Variants in SLCO3A1 observed in about 807,000 individuals in gnomAD.
The protein encoded by SLCO3A1 is PGE1 transporter.
In SLCO3A1, 27 loss-of-function variants were observed where a neutral mutation model predicts 63.1. The observed-to-expected ratio is 0.43, with a 90% CI of 0.32 to 0.59. The LOEUF is 0.59. SLCO3A1 is among the 20% of genes least tolerant of loss of function. The pLI, the probability that SLCO3A1 is intolerant of heterozygous loss-of-function variation, is 0.09. For missense variants in SLCO3A1, 773 were observed against 945.8 expected (o/e 0.82, Z 2.40); for synonymous variants, 473 against 409.9 (o/e 1.15, Z -1.86).
At chr15:91,981,839 G>A (rs1009586902) in intron 2 of SLCO3A1, among the ~76,000 whole-genome samples, 2 of 152,236 alleles carry the variant, frequency 1.3e-5, no homozygotes, top group African/African-American at 4.8e-5. Context: ...AACAGACACA[G>A]TGCCCAGTGA....
chr15:91,916,264 C>T lies in SLCO3A1; in HGVS notation c.452C>T (p.Ala151Val), dbSNP rs1898654168. The T allele has an allele frequency of 1.3e-6, 2 of 1,567,650 alleles. No individual in the cohort carries two copies. The highest frequency in any genetic ancestry group is 2.3e-5 in the South Asian group (2 of 87,226). Residue 151 changes from alanine (A) to valine (V), a missense_variant, in exon 2 of 10, where the codon GCA (alanine) becomes GTA (valine). By Grantham distance (64) the Ala-to-Val change is moderately conservative. Around this residue, in one of 3 missense-constraint regions of SLCO3A1, gnomAD observed 565 missense variants for 749.8 expected, o/e 0.75. Transcript: ENST00000318445. This position sits in a 1 kb window ranked among gnomAD's most constrained non-coding sequence, Gnocchi z 6.2. ...GGCGCCGAGGGCCGCGACGTCTGCGCAGCCAACGGCTCGGGCGGCGACGAG... is the reference window on the plus strand; with the variant it reads ...GGCGCCGAGGGCCGCGACGTCTGCGTAGCCAACGGCTCGGGCGGCGACGAG... Reference protein sequence around the residue: ...RWGAEGRDVCAANGSGGDEGP... With the variant: ...RWGAEGRDVCVANGSGGDEGP...
intron 2 of SLCO3A1, among the ~76,000 whole-genome samples, chr15:91,988,173 C>A (rs935664797): frequency 6.6e-6 from 1 of 152,014 alleles, no homozygotes; most frequent in South Asian, 2.1e-4. Flanking sequence ...CAGGCCAAGG[C>A]GGCTGGATCG....
intron 1 of SLCO3A1, among the ~76,000 whole-genome samples, chr15:91,890,559 G>A (rs959413262): frequency 5.9e-5 from 9 of 152,148 alleles, no homozygotes; most frequent in Admixed American, 6.5e-5. Flanking sequence ...AAGGATGTTC[G>A]AGATGTTGTA....
At chr15:91,986,806 A>T (rs1019448425) in intron 2 of SLCO3A1, among the ~76,000 whole-genome samples, 1 of 152,208 alleles carries the variant, frequency 6.6e-6, no homozygotes, top group African/African-American at 2.4e-5. Context: ...TGTTATGAAG[A>T]TATATTTGTA....
rs550600956 is a variant in SLCO3A1, at chr15:91,897,713, T to C, written c.181-18280T>C. Among the ~76,000 whole-genome samples the C allele has an allele frequency of 4.6e-5, 7 of 152,232 alleles. No individual in the cohort carries two copies. In the East Asian group the frequency reaches 7.7e-4, roughly 17 times the overall value. On this transcript the variant is annotated intron_variant, in intron 1 of 9. Coordinates refer to ENST00000318445, the MANE Select transcript of SLCO3A1 (RefSeq NM_013272.4). This position sits in a 1 kb window ranked among gnomAD's most constrained non-coding sequence, Gnocchi z 4.7. Reference sequence around the variant, plus strand: ...GTGGCGGCAGAGTGGATTGGTGTGCTCCCATGTGCTAGGCTGAGTCTACCC... The same window carrying C: ...GTGGCGGCAGAGTGGATTGGTGTGCCCCCATGTGCTAGGCTGAGTCTACCC...
rs1897144315 is a variant in SLCO3A1, at chr15:91,865,555, C to T, written c.180+11467C>T. ...GGGCATCAGCAGGGCCGTGCTCCCT[C>T]CTAGACCCTGCGTAGAACCCTTCCT... On this transcript the variant is annotated intron_variant, in intron 1 of 9. Coordinates refer to ENST00000318445, the MANE Select transcript of SLCO3A1 (RefSeq NM_013272.4). The surrounding 1 kb of genome is among the most constrained non-coding windows in gnomAD (Gnocchi z 4.6). Among the ~76,000 whole-genome samples, 1 of 152,242 alleles carries T rather than the reference C, an allele frequency of 6.6e-6. No homozygotes were observed. Among genetic ancestry groups the T allele is most frequent in the African/African-American group, 2.4e-5 (1 of 41,464 alleles).
rs1567142586 is a variant in SLCO3A1 at position 92,143,367 on chromosome 15, A to ATATAATTATATT, written c.1513-3616_1513-3615insATAATTATATTT. ...TCACTCAGTCAACATACATATATAT[A>ATATAATTATATT]TTATATAATATATATAATATATATA... On this transcript the variant is annotated intron_variant, in intron 7 of 9. Coordinates refer to ENST00000318445, the MANE Select transcript of SLCO3A1 (RefSeq NM_013272.4). Among the ~76,000 whole-genome samples the ATATAATTATATT allele has an allele frequency of 2.6e-3, 13 of 5,010 alleles. 1 individual carries two copies. Among genetic ancestry groups the ATATAATTATATT allele is most frequent in the African/African-American group, 6.2e-3 (12 of 1,930 alleles). 3.3% of individuals were successfully genotyped at this position (5,010 alleles called of 152,430 possible).
chr15:92,080,272 C>G (rs1347447158), intron 2 of SLCO3A1, among the ~76,000 whole-genome samples: 4 of 152,172 alleles, frequency 2.6e-5, no homozygotes, highest in Non-Finnish European at 1.5e-5. Flanking sequence ...TCAACACACA[C>G]GGAGTCCCTC....
chr15:92,039,979 C>G (rs1443095361), intron 2 of SLCO3A1, among the ~76,000 whole-genome samples: 1 of 152,172 alleles, frequency 6.6e-6, no homozygotes, highest in Non-Finnish European at 1.5e-5. Flanking sequence ...AAACTAAACA[C>G]CGCATGATCT....
intron 1 of SLCO3A1, among the ~76,000 whole-genome samples, chr15:91,896,433 G>T (rs900818761): frequency 4.6e-5 from 7 of 152,208 alleles, no homozygotes; most frequent in Non-Finnish European, 1.0e-4. Context: ...GTTTGGTTGT[G>T]TCCCCATCCA....
intron 2 of SLCO3A1, among the ~76,000 whole-genome samples, chr15:91,986,329 A>C (rs2046052592): frequency 6.6e-6 from 1 of 152,092 alleles, no homozygotes; most frequent in Non-Finnish European, 1.5e-5. Flanking sequence ...CGGGGAGATA[A>C]GATTAGGGAG....
intron 2 of SLCO3A1, among the ~76,000 whole-genome samples, chr15:91,991,523 C>T (rs142242972): frequency 1.9e-3 from 294 of 152,320 alleles, no homozygotes; most frequent in African/African-American, 6.5e-3. Flanking sequence ...GGCTCAGTGC[C>T]ATCCAGTAGA....
intron 8 of SLCO3A1, 146 bp from the exon 9 acceptor site, chr15:92,150,804 A>G: frequency 3.9e-6 from 2 of 511,548 alleles, no homozygotes; most frequent in East Asian, 6.3e-5. Context: ...AAAAAAAGAC[A>G]CTATTAGTAA....
In SLCO3A1 at chr15:91,912,265, C is replaced by CAGACT. The variant is rs1490969866; in HGVS notation, c.181-3727_181-3726insGACTA. 3.9e-5 allele frequency among the ~76,000 whole-genome samples: 6 copies of CAGACT among 152,272 alleles called. No individual in the cohort carries two copies. The stretch of plus-strand genomic sequence containing the variant: ...CTCATGCATACTTAGTCTGTCTTCT[C>CAGACT]AAAATTGTGTTTTAAATGAGTGAAA... On this transcript the variant is annotated intron_variant, in intron 1 of 9. Transcript: ENST00000318445. The surrounding 1 kb of genome is among the most constrained non-coding windows in gnomAD (Gnocchi z 5.0).
intron 2 of SLCO3A1, among the ~76,000 whole-genome samples, chr15:91,931,815 ACACACACT>A (rs1460355006): frequency 4.9e-4 from 75 of 152,034 alleles, no homozygotes; most frequent in African/African-American, 1.8e-3. Flanking sequence ...ACACACACAC[ACACACACT>A]CACACAGGAG....
At chr15:91,960,635 A>T (rs893807173) in intron 2 of SLCO3A1, among the ~76,000 whole-genome samples, 2 of 152,084 alleles carry the variant, frequency 1.3e-5, no homozygotes, top group Non-Finnish European at 2.9e-5. Context: ...TACAGGAGTA[A>T]TTTATTCTTT....
chr15:91,975,260 T>A (rs1901055589), intron 2 of SLCO3A1, among the ~76,000 whole-genome samples: 1 of 135,260 alleles, frequency 7.4e-6, no homozygotes, highest in South Asian at 2.3e-4. Flanking sequence ...GTGCGCATTT[T>A]AAAAAATTGA....
chr15:91,937,224 G>A lies in SLCO3A1; in HGVS notation c.646+20766G>A, dbSNP rs1455647191. On this transcript the variant is annotated intron_variant, in intron 2 of 9. Transcript: ENST00000318445. ...GAGCTCTGAGGGTTCATTAGAGATG[G>A]CGTTAATAAGGACTCCTGTGCTCAG... Among the ~76,000 whole-genome samples, 5 of 152,196 alleles carry A rather than the reference G, an allele frequency of 3.3e-5. 1 individual carries two copies. The highest frequency in any genetic ancestry group is 4.1e-4 in the South Asian group (2 of 4,830).
At position 92,104,454 on chromosome 15, in the gene SLCO3A1, A is replaced by C. The variant is rs72655652; in HGVS notation, c.921A>C (p.Arg307Ser). 22,081 of 1,614,114 alleles carry C rather than the reference A, an allele frequency of 0.014. 225 individuals are homozygous for C. The highest frequency in any genetic ancestry group is 0.018 in the South Asian group (1,606 of 91,088). Reference sequence around the variant, plus strand: ...GCGAGCAGGCCATGCTCTCCGAAAGAGAATACGAGAGACCCAAGCCCAGCA... The same window carrying C: ...GCGAGCAGGCCATGCTCTCCGAAAGCGAATACGAGAGACCCAAGCCCAGCA... ...MESEQAMLSEREYERPKPSNG... is the reference protein window; with the variant it reads ...MESEQAMLSESEYERPKPSNG... The change falls in exon 4 of 10, where the codon AGA becomes AGC. Residue 307 changes from arginine (R) to serine (S), a missense_variant. Arg to Ser is a moderately radical substitution (Grantham distance 110). Around this residue, in one of 3 missense-constraint regions of SLCO3A1, gnomAD observed 565 missense variants for 749.8 expected, o/e 0.75. Transcript: ENST00000318445.
Sources: allele counts gnomAD v4.1 joint callset (sites outside exome capture counted in the v4.1 genomes callset), GRCh38; gene constraint gnomAD v4.1.1; regional missense constraint gnomAD v4.1.1; non-coding constraint Gnocchi (gnomAD v3.1); transcripts MANE v1.5; gene names NCBI Gene and HGNC (gene_info 2026-07-23, HGNC 2026-07-21).